ATP7B: variants seen among roughly 807,000 people sequenced by gnomAD.
The protein encoded by ATP7B is copper-transporting ATPase 2.
ATP7B carries 113 observed loss-of-function variants against 118.9 expected under a neutral mutation model. The observed-to-expected ratio is 0.95, with a 90% CI of 0.82 to 1.11. ATP7B has a LOEUF of 1.11. ATP7B is among the 50% of genes most tolerant of loss of function. ATP7B has a pLI of 0.00. For synonymous variants in ATP7B, 777 were observed against 727.4 expected (o/e 1.07, Z -1.10); for missense variants, 1,867 against 1,871.4 (o/e 1.00, Z 0.04).
At chr13:51,940,043 G>C (rs1215725651) in intron 16 of ATP7B, among the ~76,000 whole-genome samples, 1 of 105,586 alleles carries the variant, frequency 9.5e-6, no homozygotes, top group Non-Finnish European at 1.7e-5. Context: ...ACAGAGTTAC[G>C]CTCTTGTTGC....
intron 17 of ATP7B, among the ~76,000 whole-genome samples, chr13:51,938,174 T>G (rs780191449): frequency 6.6e-6 from 1 of 152,168 alleles, no homozygotes; most frequent in Non-Finnish European, 1.5e-5. Flanking sequence ...CAAACCGCCG[T>G]GCTACTCTGT....
At chr13:51,950,205 C>A (rs746739918) in intron 10 of ATP7B, 44 bp from the exon 11 acceptor site, 3 of 1,614,184 alleles carry the variant, frequency 1.9e-6, no homozygotes, top group Middle Eastern at 3.3e-4. Flanking sequence ...CAGCCCCATC[C>A]AGCACTCATG....
chr13:51,978,926 A>G (rs542686100), intron 1 of ATP7B: 1 of 152,340 alleles, frequency 6.6e-6, no homozygotes, highest in Admixed American at 6.5e-5. Context: ...CCAAGAAGAT[A>G]GTTCATTCAT....
intron 1 of ATP7B, among the ~76,000 whole-genome samples, chr13:51,985,465 GT>G (rs1952611861): frequency 6.6e-6 from 1 of 152,116 alleles, no homozygotes; most frequent in Non-Finnish European, 1.5e-5. Flanking sequence ...CACAGTAATA[GT>G]GGGAGACTTT....
intron 2 of ATP7B, 100 bp from the exon 3 acceptor site, chr13:51,970,849 G>A (rs1951807618): frequency 5.7e-6 from 7 of 1,218,096 alleles, no homozygotes; most frequent in Admixed American, 2.0e-5. Context: ...CATTGTCCCG[G>A]CTCCCACCGA....
At chr13:51,940,755 T>C (rs140334672) in intron 16 of ATP7B, among the ~76,000 whole-genome samples, 5 of 152,242 alleles carry the variant, frequency 3.3e-5, no homozygotes, top group Non-Finnish European at 5.9e-5. Context: ...GGGAAGTGAA[T>C]TCCTGCTCTG....
upstream of ATP7B, chr13:52,012,076 G>A: frequency 2.0e-6 from 1 of 496,312 alleles, no homozygotes; most frequent in Non-Finnish European, 3.7e-6. Context: ...ACGGGCGGCG[G>A]GCTTTGGGCC....
At chr13:51,983,732 T>A (rs773102234) in intron 1 of ATP7B, among the ~76,000 whole-genome samples, 9 of 152,212 alleles carry the variant, frequency 5.9e-5, no homozygotes, top group Non-Finnish European at 1.0e-4. Flanking sequence ...CAATCTTTGC[T>A]GTTCTGTAGC....
In ATP7B at chr13:51,970,666, G is replaced by A. The variant is rs1951795080; in HGVS notation, c.1369C>T (p.Gln457Ter). 6.2e-7 allele frequency: 1 copy of A among 1,614,162 alleles called. No individual in the cohort carries two copies. Among genetic ancestry groups the A allele is most frequent in the Non-Finnish European group, 8.5e-7 (1 of 1,179,994 alleles). The part of the protein sequence containing the change: ...QTTDGTPTSV[Q>*]EVAPHTGRLP... ...CTCCCAGTGTGGGGAGCCACTTCCT[G>A]CACAGATGTAGGTGTACCATCTGTA... The change falls in exon 3 of 21, where the codon CAG becomes TAG. Residue 457 changes from glutamine to a stop codon, truncating the protein, a stop_gained. Coordinates refer to ENST00000242839, the MANE Select transcript of ATP7B (RefSeq NM_000053.4). LOFTEE classifies it high-confidence loss of function.
At chr13:51,951,151 C>A (rs78644700) in intron 9 of ATP7B, among the ~76,000 whole-genome samples, 4,323 of 151,770 alleles carry the variant, frequency 0.028, 218 homozygotes, top group African/African-American at 0.1. Flanking sequence ...GCAGCCCAAG[C>A]GGAAGATGGA....
chr13:51,939,854 G>A (rs796806138), intron 16 of ATP7B, among the ~76,000 whole-genome samples: 1 of 152,266 alleles, frequency 6.6e-6, no homozygotes, highest in African/African-American at 2.4e-5. Flanking sequence ...TTTGGCTGGA[G>A]CATTCAAAAG....
In ATP7B at chr13:51,974,720, T is replaced by G; in HGVS notation, c.500A>C (p.Lys167Thr). Residue 167 changes from lysine (K) to threonine (T), a missense_variant, in exon 2 of 21, where the codon AAA becomes ACA. Coordinates refer to ENST00000242839, the MANE Select transcript of ATP7B (RefSeq NM_000053.4). ...TTTGACTCTCACTACTCCTTGCAGT[T>G]TCCGGACCTTGCCTTCAATGGAGCT... ...CVSSIEGKVR[K>T]LQGVVRVKVS... 7 of 1,614,026 alleles carry G rather than the reference T, an allele frequency of 4.3e-6. No homozygotes were observed. The highest frequency in any genetic ancestry group is 4.2e-6 in the Non-Finnish European group (5 of 1,179,876).
intron 19 of ATP7B, 92 bp downstream of exon 19, chr13:51,937,184 A>C: frequency 7.9e-7 from 1 of 1,259,072 alleles, no homozygotes; most frequent in South Asian, 1.2e-5. Flanking sequence ...CTAGCCAGCC[A>C]GTGAGTGAGC....
At position 51,934,682 on chromosome 13, in the gene ATP7B, C is replaced by T; in HGVS notation, c.*74G>A. ...AAGCTGGAGGCTAGCTCAGCCCATCCTGCTGCTGGCTGTCCTGCTCAGCTT... is the reference window on the plus strand; with the variant it reads ...AAGCTGGAGGCTAGCTCAGCCCATCTTGCTGCTGGCTGTCCTGCTCAGCTT... On this transcript the variant is annotated 3_prime_UTR_variant, in exon 21 of 21. Coordinates refer to ENST00000242839, the MANE Select transcript of ATP7B (RefSeq NM_000053.4). The T allele has an allele frequency of 6.3e-7, 1 of 1,598,654 alleles. No homozygotes were observed. Among genetic ancestry groups the T allele is most frequent in the Non-Finnish European group, 8.5e-7 (1 of 1,174,994 alleles).
At chr13:52,007,727 G>A (rs1953841900) in intron 1 of ATP7B, among the ~76,000 whole-genome samples, 1 of 152,138 alleles carries the variant, frequency 6.6e-6, no homozygotes, top group Admixed American at 6.5e-5. Flanking sequence ...CTGGGTCTGG[G>A]CCATCTGTAC....
Position 51,937,696 on chromosome 13 carries a change from G to C in ATP7B, c.3700-17C>G, listed in dbSNP as rs746250428. ...GATGCCAACCTAAGACAAAAGGAAG[G>C]CAATGCCTAGTGTTGGCAAAAGGTA... On this transcript the variant is annotated splice_polypyrimidine_tract_variant and intron_variant, in intron 17 of 20. Coordinates refer to ENST00000242839, the MANE Select transcript of ATP7B (RefSeq NM_000053.4). 6.2e-7 allele frequency: 1 copy of C among 1,613,636 alleles called. No individual in the cohort carries two copies. The highest frequency in any genetic ancestry group is 8.5e-7 in the Non-Finnish European group (1 of 1,179,744).
intron 9 of ATP7B, among the ~76,000 whole-genome samples, chr13:51,955,225 G>A (rs190938860): frequency 6.6e-6 from 1 of 152,314 alleles, no homozygotes; most frequent in East Asian, 1.9e-4. Flanking sequence ...GGCCCTGTGG[G>A]AGGCAGAGTC....
chr13:51,981,988 GA>G (rs1032092303), intron 1 of ATP7B, among the ~76,000 whole-genome samples: 2 of 147,954 alleles, frequency 1.4e-5, no homozygotes, highest in African/African-American at 4.9e-5. Flanking sequence ...AACATAATGA[GA>G]TTTTTTTGGG....
intron 1 of ATP7B, chr13:51,979,045 C>G (rs959756667): frequency 6.6e-6 from 1 of 152,306 alleles, no homozygotes; most frequent in Non-Finnish European, 1.5e-5. Context: ...AGGTGGGGAC[C>G]TCACAGCTGG....
Sources: gnomAD v4.1 joint callset for allele counts (sites outside exome capture counted in the v4.1 genomes callset) on GRCh38, gnomAD v4.1.1 for gene constraint, MANE v1.5 for transcripts, NCBI Gene and HGNC (gene_info 2026-07-23, HGNC 2026-07-21) for gene names.